The following PKHD1L1 variants were observed in gnomAD, a reference collection of about 807,000 sequenced individuals.
The protein encoded by PKHD1L1 is fibrocystin-L.
A neutral mutation model predicts 462.9 loss-of-function variants in PKHD1L1; 434 were observed. The ratio of observed to expected loss-of-function variants is 0.94; its 90% CI spans 0.87 to 1.02. The LOEUF (loss-of-function observed/expected upper bound fraction) is 1.02. Ranked by LOEUF, PKHD1L1 falls within the 50% of genes least tolerant of loss-of-function variation. The probability of loss-of-function intolerance (pLI) is 0.00; values close to 1 mark genes in which losing one functional copy is unlikely to be tolerated. For missense variants in PKHD1L1, 5,202 were observed against 5,096.1 expected, an observed-to-expected ratio of 1.02 and a Z score of -0.63; for synonymous variants, 1,781 against 1,750.0, an observed-to-expected ratio of 1.02 and a Z score of -0.44.
chr8:109,487,503 A>T (rs890522936), intron 59 of PKHD1L1, among the ~76,000 whole-genome samples: 2 of 150,866 alleles, frequency 1.3e-5, no homozygotes, highest in Admixed American at 6.6e-5. Flanking sequence ...TAAGGATCTA[A>T]ATAAGATCCA....
intron 75 of PKHD1L1, 133 bp from the exon 76 acceptor site, chr8:109,523,100 T>C (rs1485035496): frequency 2.0e-6 from 2 of 1,023,214 alleles, no homozygotes; most frequent in Non-Finnish European, 2.8e-6. Flanking sequence ...ATGAACTCTT[T>C]GTGTGGAATA....
At position 109,404,605 on chromosome 8, in the gene PKHD1L1, T is replaced by A. The variant is rs1228076425; in HGVS notation, c.1425T>A (p.Asp475Glu). Residue 475 changes from aspartate (D) to glutamate (E), a missense_variant, in exon 15 of 78, where the codon GAT (aspartate) becomes GAA (glutamate). Asp to Glu is a conservative substitution (Grantham distance 45, BLOSUM62 2). Transcript: ENST00000378402. ...AGTACAGATTAAGTGCATTTGTTGA[T>A]GTTGGACTGTACCAGTATCGAAATG... is the stretch of plus-strand genomic sequence containing the variant. ...LQEYRLSAFV[D>E]VGLYQYRNVY... The A allele has an allele frequency of 1.2e-6, 2 of 1,604,476 alleles. No homozygotes were observed. Among genetic ancestry groups the A allele is most frequent in the East Asian group, 2.3e-5 (1 of 44,332 alleles).
intron 9 of PKHD1L1, among the ~76,000 whole-genome samples, chr8:109,391,342 T>G (rs1239072106): frequency 6.6e-6 from 1 of 152,166 alleles, no homozygotes; most frequent in Non-Finnish European, 1.5e-5. Flanking sequence ...TTTATTCCAG[T>G]GCTTTGCCAT....
intron 33 of PKHD1L1, 27 bp from the exon 34 acceptor site, chr8:109,441,248 A>G: frequency 7.1e-7 from 1 of 1,418,210 alleles, no homozygotes; most frequent in East Asian, 2.4e-5. Flanking sequence ...TTGCTTTTTA[A>G]AAATATGCAG....
intron 25 of PKHD1L1, among the ~76,000 whole-genome samples, chr8:109,428,296 ATCC>A (rs1379684204): frequency 6.6e-6 from 1 of 152,280 alleles, no homozygotes; most frequent in East Asian, 1.9e-4. Flanking sequence ...AGAAACCTAA[ATCC>A]CCATCAATAG....
At chr8:109,433,992 C>G (rs1248496474) in intron 28 of PKHD1L1, among the ~76,000 whole-genome samples, 1 of 152,086 alleles carries the variant, frequency 6.6e-6, no homozygotes, top group East Asian at 1.9e-4. Context: ...AACCATCATT[C>G]TCAGTAAACT....
Position 109,394,399 on chromosome 8 carries a change from A to G in PKHD1L1, c.741-16A>G. ...AAAGATCATTTAAAGCAGAAAATTT[A>G]ATCTTTTTTTAACAGGAGTTTTCCA... On this transcript the variant is annotated splice_polypyrimidine_tract_variant and intron_variant, in intron 9 of 77. Coordinates refer to ENST00000378402, the MANE Select transcript of PKHD1L1 (RefSeq NM_177531.6). 3 of 1,427,608 alleles carry G rather than the reference A, an allele frequency of 2.1e-6. No individual in the cohort carries two copies. The highest frequency in any genetic ancestry group is 2.8e-6 in the Non-Finnish European group (3 of 1,065,398). The allele number at this position is 1,427,608 out of a possible 1,614,324, so 88.4% of individuals were successfully genotyped here. A position where few individuals can be genotyped will look rare whatever the true frequency, so the allele number is the denominator to read the frequency against.
intron 47 of PKHD1L1, 145 bp downstream of exon 47, chr8:109,459,981 C>A: frequency 3.3e-6 from 2 of 607,704 alleles, no homozygotes; most frequent in Non-Finnish European, 4.6e-6. Flanking sequence ...TATAAGATAC[C>A]ATTAAATATC....
At chr8:109,506,846 A>T (rs924726077) in intron 68 of PKHD1L1, among the ~76,000 whole-genome samples, 8 of 152,152 alleles carry the variant, frequency 5.3e-5, no homozygotes, top group Non-Finnish European at 8.8e-5. Context: ...GGTATATATC[A>T]CGGTATTCTA....
intron 68 of PKHD1L1, 59 bp downstream of exon 68, chr8:109,504,551 C>T (rs972772383): frequency 1.7e-5 from 18 of 1,064,568 alleles, no homozygotes; most frequent in Admixed American, 7.7e-5. Context: ...CTCACTTCCT[C>T]CTGCTCAAGA....
chr8:109,414,661 C>T (rs533381962), intron 21 of PKHD1L1, among the ~76,000 whole-genome samples: 6 of 152,082 alleles, frequency 3.9e-5, no homozygotes, highest in East Asian at 3.9e-4. Flanking sequence ...TTCTTCCCAT[C>T]GTAGAATAGA....
chr8:109,513,072 C>T (rs908966569), intron 71 of PKHD1L1, among the ~76,000 whole-genome samples: 6 of 151,294 alleles, frequency 4.0e-5, no homozygotes, highest in African/African-American at 1.2e-4. Context: ...GCTGAAGTTG[C>T]TTATCAGCTT....
chr8:109,380,229 T>C (rs1812043049), intron 2 of PKHD1L1, among the ~76,000 whole-genome samples: 1 of 152,190 alleles, frequency 6.6e-6, no homozygotes, highest in African/African-American at 2.4e-5. Flanking sequence ...CTAACACTCT[T>C]GTATTAAATC....
rs561776326 is a variant in PKHD1L1 at position 109,375,332 on chromosome 8, G to A, written c.164-6038G>A. On this transcript the variant is annotated intron_variant, in intron 2 of 77. Coordinates refer to ENST00000378402, the MANE Select transcript of PKHD1L1 (RefSeq NM_177531.6). ...TGTGCATTTGTCACGTAGTTCTTGT[G>A]CCATGGTTTTCAGCTCCATCAGGTC... Among the ~76,000 whole-genome samples the A allele has an allele frequency of 1.1e-4, 16 of 152,232 alleles. 1 individual carries two copies. In the East Asian group the frequency reaches 2.1e-3, roughly 20 times the overall value.
intron 23 of PKHD1L1, among the ~76,000 whole-genome samples, chr8:109,422,589 T>C (rs1837762990): frequency 6.6e-6 from 1 of 152,228 alleles, no homozygotes; most frequent in African/African-American, 2.4e-5. Context: ...TATTTACTGT[T>C]ATGGATGTAC....
At chr8:109,456,454 A>G in intron 46 of PKHD1L1, 63 bp downstream of exon 46, 1 of 1,444,602 alleles carries the variant, frequency 6.9e-7, no homozygotes, top group East Asian at 2.5e-5. Flanking sequence ...CTGTATAAAG[A>G]GGGACAATTC....
At chr8:109,519,825 C>T (rs1820455792) in intron 73 of PKHD1L1, among the ~76,000 whole-genome samples, 1 of 152,124 alleles carries the variant, frequency 6.6e-6, no homozygotes, top group African/African-American at 2.4e-5. Context: ...ATCGTCCAGA[C>T]ATATATAAAC....
chr8:109,420,685 G>C lies in PKHD1L1; in HGVS notation c.2692G>C (p.Gly898Arg), dbSNP rs760369584. The change falls in exon 23 of 78, where the codon GGG (glycine) becomes CGG (arginine). Residue 898 changes from glycine to arginine, a missense_variant. This residue lies in a region of PKHD1L1 where 4,497 missense variants were observed against 4,336.8 expected (regional missense o/e 1.04). Coordinates refer to ENST00000378402, the MANE Select transcript of PKHD1L1 (RefSeq NM_177531.6). ...YNIPMMAVSF[G>R]QIITHETENE... ...TATACCCATGATGGCTGTGAGCTTTGGGCAGGTAAGCCTAGAATTTTGCAT... is the reference window on the plus strand; with the variant it reads ...TATACCCATGATGGCTGTGAGCTTTCGGCAGGTAAGCCTAGAATTTTGCAT... 6.4e-7 allele frequency: 1 copy of C among 1,552,956 alleles called. No homozygotes were observed. The highest frequency in any genetic ancestry group is 8.7e-7 in the Non-Finnish European group (1 of 1,156,026).
At chr8:109,457,740 GTGT>G (rs1285915749) in intron 46 of PKHD1L1, among the ~76,000 whole-genome samples, 1 of 152,176 alleles carries the variant, frequency 6.6e-6, no homozygotes, top group Non-Finnish European at 1.5e-5. Flanking sequence ...TTAACACTTA[GTGT>G]TGTTATATTA....
Sources: allele counts gnomAD v4.1 joint callset (sites outside exome capture counted in the v4.1 genomes callset), GRCh38; gene constraint gnomAD v4.1.1; regional missense constraint gnomAD v4.1.1; transcripts MANE v1.5; gene names NCBI Gene and HGNC (gene_info 2026-07-23, HGNC 2026-07-21).